Variants in NEK11 observed in about 807,000 individuals in gnomAD.
NEK11 encodes the protein serine/threonine-protein kinase Nek11.
NEK11 carries 72 observed loss-of-function variants against 80.7 expected under a neutral mutation model. The observed-to-expected ratio is 0.89, with a 90% CI of 0.74 to 1.08. The LOEUF is 1.08. Among genes scored for constraint, NEK11 ranks in the 50% least tolerant of loss-of-function variants. NEK11 has a pLI of 0.00. For synonymous variants in NEK11, 251 were observed against 260.7 expected, an observed-to-expected ratio of 0.96 and a Z score of 0.36; for missense variants, 764 against 763.6, an observed-to-expected ratio of 1.00 and a Z score of -0.01.
intron 3 of NEK11, among the ~76,000 whole-genome samples, chr3:131,069,871 A>G (rs1334702812): frequency 6.6e-6 from 1 of 151,390 alleles, no homozygotes; most frequent in Non-Finnish European, 1.5e-5. Context: ...AGATATACCT[A>G]ATGCTAGATG....
At chr3:131,316,841 T>G (rs2096845384) in intron 17 of NEK11, among the ~76,000 whole-genome samples, 1 of 152,160 alleles carries the variant, frequency 6.6e-6, no homozygotes. Flanking sequence ...TTGCAAAAAC[T>G]GATGGTAAAG....
At chr3:131,319,755 T>C (rs1025934599) in intron 17 of NEK11, among the ~76,000 whole-genome samples, 1 of 152,168 alleles carries the variant, frequency 6.6e-6, no homozygotes, top group Non-Finnish European at 1.5e-5. Context: ...CAAGGACACA[T>C]ACATTCATCC....
chr3:131,049,532 G>A (rs991784976), intron 3 of NEK11, among the ~76,000 whole-genome samples: 2 of 152,010 alleles, frequency 1.3e-5, no homozygotes, highest in African/African-American at 4.8e-5. Flanking sequence ...TCTTTAATTG[G>A]TATTTGTACT....
intron 5 of NEK11, among the ~76,000 whole-genome samples, chr3:131,127,682 G>A (rs1372283271): frequency 2.0e-5 from 3 of 150,812 alleles, no homozygotes; most frequent in Admixed American, 6.6e-5. Flanking sequence ...TTATCTTTTG[G>A]TATGCCTGGT....
intron 14 of NEK11, among the ~76,000 whole-genome samples, chr3:131,226,074 G>A (rs911261592): frequency 3.9e-5 from 6 of 152,062 alleles, no homozygotes; most frequent in Admixed American, 6.6e-5. Flanking sequence ...AAAGAGACTC[G>A]AGAGGGAGAG....
chr3:131,112,853 G>A (rs2080355123), intron 5 of NEK11, among the ~76,000 whole-genome samples: 1 of 152,176 alleles, frequency 6.6e-6, no homozygotes, highest in Non-Finnish European at 1.5e-5. Context: ...GAATAAAGTT[G>A]TTTGCAAAGG....
chr3:131,218,460 G>A (rs1352845363), intron 14 of NEK11, among the ~76,000 whole-genome samples: 4 of 152,200 alleles, frequency 2.6e-5, no homozygotes, highest in Non-Finnish European at 4.4e-5. Context: ...GGGCAGAGAT[G>A]TGGCATCATC....
intron 16 of NEK11, among the ~76,000 whole-genome samples, chr3:131,260,113 G>C (rs886347136): frequency 6.6e-6 from 1 of 152,110 alleles, no homozygotes; most frequent in Non-Finnish European, 1.5e-5. Context: ...GTCATCTGGA[G>C]AGGTGGAGAA....
chr3:131,124,634 G>C (rs1056383372), intron 5 of NEK11, among the ~76,000 whole-genome samples: 63 of 152,146 alleles, frequency 4.1e-4, no homozygotes, highest in African/African-American at 1.5e-3. Context: ...GCCACACCAA[G>C]AGAACCCCAA....
chr3:131,284,694 C>T (rs149312422), intron 17 of NEK11, among the ~76,000 whole-genome samples: 1,609 of 152,238 alleles, frequency 0.011, 23 homozygotes, highest in African/African-American at 0.036. Context: ...GGCAGAAGAA[C>T]GTGGAAGGAC....
intron 4 of NEK11, among the ~76,000 whole-genome samples, chr3:131,107,493 A>T (rs1461172630): frequency 6.6e-6 from 1 of 151,974 alleles, no homozygotes; most frequent in Non-Finnish European, 1.5e-5. Flanking sequence ...TTCTGAAGGT[A>T]TTCAGGAAGA....
chr3:131,111,400 C>A (rs1485262457), intron 5 of NEK11, among the ~76,000 whole-genome samples: 2 of 152,030 alleles, frequency 1.3e-5, no homozygotes, highest in Non-Finnish European at 2.9e-5. Context: ...GTTATTATAA[C>A]CAATTACTGT....
intron 4 of NEK11, among the ~76,000 whole-genome samples, chr3:131,089,400 G>A (rs1196901684): frequency 6.6e-6 from 1 of 151,986 alleles, no homozygotes; most frequent in Non-Finnish European, 1.5e-5. Flanking sequence ...CATTTAAAAT[G>A]TCAATCCAGT....
rs139328846 is a variant in NEK11, at chr3:131,268,410, A to G, written c.1622-5068A>G. On this transcript the variant is annotated intron_variant, in intron 16 of 17. Coordinates refer to ENST00000383366, the MANE Select transcript of NEK11 (RefSeq NM_024800.5). ...GGTTTTTCCTCATCTTCATGGATTT[A>G]TCTACCTTTGGTCTTTGATGGTGAC... Among the ~76,000 whole-genome samples, 472 of 152,262 alleles carry G rather than the reference A, an allele frequency of 3.1e-3. 1 individual carries two copies. Among genetic ancestry groups the G allele is most frequent in the African/African-American group, 0.01 (432 of 41,548 alleles).
At chr3:131,333,073 T>G (rs981336381) in intron 17 of NEK11, among the ~76,000 whole-genome samples, 1 of 152,146 alleles carries the variant, frequency 6.6e-6, no homozygotes, top group Non-Finnish European at 1.5e-5. Context: ...ACTTCCCCAA[T>G]CTAGCAAGGC....
At chr3:131,069,286 G>T (rs2072719579) in intron 3 of NEK11, among the ~76,000 whole-genome samples, 2 of 152,178 alleles carry the variant, frequency 1.3e-5, no homozygotes, top group Non-Finnish European at 2.9e-5. Flanking sequence ...AACTCAATTT[G>T]TTACTGTATC....
chr3:131,192,395 A>C (rs561614477), intron 14 of NEK11, among the ~76,000 whole-genome samples: 1 of 152,298 alleles, frequency 6.6e-6, no homozygotes, highest in East Asian at 1.9e-4. Context: ...CAAAAAATTA[A>C]ACATGGAATT....
chr3:131,271,115 C>T (rs1018613779), intron 16 of NEK11, among the ~76,000 whole-genome samples: 4 of 152,182 alleles, frequency 2.6e-5, no homozygotes, highest in Non-Finnish European at 4.4e-5. Flanking sequence ...CAGAAAGCTG[C>T]TGTCCAGTTG....
chr3:131,276,150 C>T (rs1031886047), intron 17 of NEK11, among the ~76,000 whole-genome samples: 1 of 152,210 alleles, frequency 6.6e-6, no homozygotes, highest in Non-Finnish European at 1.5e-5. Context: ...AAATGGCTGT[C>T]TAACCTTTGA....
Sources: allele counts gnomAD v4.1 joint callset (sites outside exome capture counted in the v4.1 genomes callset), GRCh38; gene constraint gnomAD v4.1.1; transcripts MANE v1.5; gene names NCBI Gene and HGNC (gene_info 2026-07-23, HGNC 2026-07-21).